Variants in DMD observed in about 807,000 individuals in gnomAD.
DMD encodes dystrophin, also known as mutant dystrophin.
In DMD, 63 loss-of-function variants were observed where a neutral mutation model predicts 330.1. The observed-to-expected ratio is 0.19, with a 90% CI of 0.16 to 0.24. DMD has a LOEUF of 0.24. Ranked by LOEUF, DMD falls within the 10% of genes least tolerant of loss-of-function variation. The pLI, the probability that DMD is intolerant of heterozygous loss-of-function variation, is 1.00. For synonymous variants in DMD, 1,223 were observed against 959.8 expected (o/e 1.27, Z -5.07); for missense variants, 3,344 against 2,684.1 (o/e 1.25, Z -5.43).
intron 30 of DMD, among the ~76,000 whole-genome samples, chrX:32,401,432 C>T (rs1015974751): frequency 2.7e-5 from 3 of 111,546 alleles, no homozygotes; most frequent in African/African-American, 9.8e-5. Flanking sequence ...TGGAATTGTA[C>T]GTTATTACGT....
At chrX:32,067,925 T>A (rs1170553765) in intron 44 of DMD, among the ~76,000 whole-genome samples, 1 of 111,998 alleles carries the variant, frequency 8.9e-6, no homozygotes, top group African/African-American at 3.2e-5. Flanking sequence ...CTTTGAGAAA[T>A]GTCCAAACTG....
intron 1 of DMD, among the ~76,000 whole-genome samples, chrX:33,075,224 G>T (rs1191983250): frequency 8.9e-6 from 1 of 111,871 alleles, no homozygotes; most frequent in Non-Finnish European, 1.9e-5. Context: ...GCCCCGCCCA[G>T]AAGAGACTCA....
In DMD at chrX:32,076,985, T is replaced by C. The variant is rs767773212; in HGVS notation, c.6439-108471A>G. Among the ~76,000 whole-genome samples the C allele has an allele frequency of 7.5e-4, 84 of 112,213 alleles. 1 individual carries two copies. Among genetic ancestry groups the C allele is most frequent in the Admixed American group, 8.5e-4 (9 of 10,596 alleles). ...AAATGAGAAAGCAAGTCTAAGCTTG[T>C]GGCAAAGAGTCAATGTAATTTTCAG... is the stretch of plus-strand genomic sequence containing the variant. On this transcript the variant is annotated intron_variant, in intron 44 of 78. Coordinates refer to ENST00000357033, the MANE Select transcript of DMD (RefSeq NM_004006.3).
chrX:32,408,905 T>TATCTATCC (rs1259799223), intron 30 of DMD, among the ~76,000 whole-genome samples: 3 of 104,814 alleles, frequency 2.9e-5, no homozygotes, highest in Admixed American at 1.0e-4. Flanking sequence ...TCTATCTATC[T>TATCTATCC]ATCTATCCAT....
At chrX:32,338,386 AT>A (rs369417951) in intron 41 of DMD, among the ~76,000 whole-genome samples, 1 of 109,778 alleles carries the variant, frequency 9.1e-6, no homozygotes, top group Non-Finnish European at 1.9e-5. Context: ...CATAATCCCT[AT>A]TTTTTTCAAC....
At chrX:32,213,063 C>T (rs1396806442) in intron 44 of DMD, among the ~76,000 whole-genome samples, 1 of 112,052 alleles carries the variant, frequency 8.9e-6, no homozygotes, top group African/African-American at 3.2e-5. Context: ...GACAAGTTTA[C>T]AACATATATC....
At chrX:33,236,160 C>T (rs935562391) in intron 1 of DMD, among the ~76,000 whole-genome samples, 100 of 108,562 alleles carry the variant, frequency 9.2e-4, no homozygotes, top group Admixed American at 1.6e-3. Flanking sequence ...TCGTGATCCG[C>T]CCGCCTCGGC....
chrX:31,370,172 A>C (rs1242247111), intron 60 of DMD, among the ~76,000 whole-genome samples: 1 of 110,328 alleles, frequency 9.1e-6, no homozygotes, highest in African/African-American at 3.3e-5. Flanking sequence ...TAGACTCAAC[A>C]CAAAAGCATG....
intron 45 of DMD, among the ~76,000 whole-genome samples, chrX:31,943,929 A>AGAGAG (rs2095046713): frequency 2.9e-5 from 2 of 69,324 alleles, no homozygotes; most frequent in East Asian, 4.3e-4. Context: ...GAGAGAGAGA[A>AGAGAG]AAGGGAACAT....
At chrX:32,028,945 C>A (rs2095865286) in intron 44 of DMD, among the ~76,000 whole-genome samples, 1 of 111,256 alleles carries the variant, frequency 9.0e-6, no homozygotes, top group Admixed American at 9.6e-5. Context: ...ATATGTCTTG[C>A]CAAAAAGCTA....
chrX:31,223,997 G>C (rs1047288708), intron 63 of DMD, among the ~76,000 whole-genome samples: 7 of 111,665 alleles, frequency 6.3e-5, no homozygotes, highest in Admixed American at 2.9e-4. Context: ...GGTCTATCAA[G>C]CCCTGACTCA....
intron 41 of DMD, among the ~76,000 whole-genome samples, chrX:32,330,369 A>T (rs1603630894): frequency 8.9e-6 from 1 of 112,124 alleles, no homozygotes; most frequent in Non-Finnish European, 1.9e-5. Context: ...GATTTTATTC[A>T]TCTGTTCTCA....
chrX:31,435,890 G>C (rs17338549), intron 60 of DMD, among the ~76,000 whole-genome samples: 13,634 of 111,195 alleles, frequency 0.12, 754 homozygotes, highest in East Asian at 0.33. Flanking sequence ...GGGAAGGAGA[G>C]AGGTCAGCCC....
chrX:32,948,924 A>C (rs1051310554), intron 2 of DMD, among the ~76,000 whole-genome samples: 1 of 111,829 alleles, frequency 8.9e-6, no homozygotes, highest in Non-Finnish European at 1.9e-5. Flanking sequence ...AGACGATAAA[A>C]TTAAAAATAA....
At chrX:33,328,158 A>T (rs181875704) in intron 1 of DMD, among the ~76,000 whole-genome samples, 1 of 111,865 alleles carries the variant, frequency 8.9e-6, no homozygotes, top group Admixed American at 9.5e-5. Context: ...GAGGAAAAAT[A>T]AAATCTGATG....
At chrX:33,172,400 C>T (rs374872261) in intron 1 of DMD, among the ~76,000 whole-genome samples, 95 of 111,733 alleles carry the variant, frequency 8.5e-4, no homozygotes, top group African/African-American at 3.0e-3. Flanking sequence ...AAATTTCATC[C>T]ATCTTTCCAT....
At chrX:32,011,186 A>G (rs1161126814) in intron 44 of DMD, among the ~76,000 whole-genome samples, 2 of 112,314 alleles carry the variant, frequency 1.8e-5, no homozygotes, top group Non-Finnish European at 3.8e-5. Context: ...GTCAATATTA[A>G]TTCCTGTCTG....
At chrX:32,888,555 T>G (rs1380413315) in intron 2 of DMD, among the ~76,000 whole-genome samples, 2 of 111,488 alleles carry the variant, frequency 1.8e-5, no homozygotes, top group South Asian at 3.7e-4. Context: ...CTTGGACCCT[T>G]AATGGGAACA....
At chrX:32,422,971 T>C (rs2098196484) in intron 29 of DMD, among the ~76,000 whole-genome samples, 1 of 111,057 alleles carries the variant, frequency 9.0e-6, no homozygotes. Flanking sequence ...AGAAATTAAG[T>C]ATTAGTTGTC....
Sources: allele counts gnomAD v4.1 joint callset (sites outside exome capture counted in the v4.1 genomes callset), GRCh38; gene constraint gnomAD v4.1.1; transcripts MANE v1.5; gene names NCBI Gene and HGNC (gene_info 2026-07-23, HGNC 2026-07-21).